ACSM2A: variants seen among roughly 807,000 people sequenced by gnomAD.
ACSM2A encodes the protein acyl-coenzyme A synthetase ACSM2A, mitochondrial.
Under a neutral mutation model 76.6 loss-of-function variants are expected in ACSM2A, and 72 were observed. The observed-to-expected ratio is 0.94, with a 90% CI of 0.78 to 1.14. ACSM2A has a LOEUF of 1.14. ACSM2A is among the 50% of genes most tolerant of loss of function. The pLI is 0.00. For synonymous variants in ACSM2A, 249 were observed against 255.9 expected, an observed-to-expected ratio of 0.97 and a Z score of 0.26; for missense variants, 684 against 708.5, an observed-to-expected ratio of 0.97 and a Z score of 0.39.
Position 20,471,566 on chromosome 16 carries a change from G to A in ACSM2A, c.771G>A (p.Met257Ile), listed in dbSNP as rs1386675562. 5 of 1,613,950 alleles carry A rather than the reference G, an allele frequency of 3.1e-6. No homozygotes were observed. Residue 257 changes from methionine (M) to isoleucine (I), a missense_variant, in exon 6 of 14, where the codon ATG (methionine) becomes ATA (isoleucine). Around this residue, in one of 3 missense-constraint regions of ACSM2A, gnomAD observed 519 missense variants for 549.5 expected, o/e 0.94. Coordinates refer to ENST00000573854, the MANE Select transcript of ACSM2A (RefSeq NM_001308172.2). ...CAGGCCTGCAAGCCTCTGATATAAT[G>A]TGGACCATATCAGACACAGGTTGGA... ...GWTGLQASDIMWTISDTGWIL... is the reference protein window; with the variant it reads ...GWTGLQASDIIWTISDTGWIL...
At chr16:20,478,553 T>C in intron 9 of ACSM2A, 23 bp from the exon 10 acceptor site, 1 of 1,610,780 alleles carries the variant, frequency 6.2e-7, no homozygotes. Context: ...TGCATCATTC[T>C]TCCAATCTGC....
At chr16:20,453,011 C>T (rs565875106) in intron 1 of ACSM2A, among the ~76,000 whole-genome samples, 11 of 151,998 alleles carry the variant, frequency 7.2e-5, no homozygotes, top group Non-Finnish European at 1.3e-4. Flanking sequence ...ATGATGAACT[C>T]GGGGATTCTA....
chr16:20,469,628 A>C lies in ACSM2A; in HGVS notation c.505A>C (p.Thr169Pro), dbSNP rs754225307. ...AGDEVIQEVD[T>P]VASECPSLRI... ...GGATGAAGTCATCCAAGAAGTGGAC[A>C]CAGTGGCATCTGAATGTCCTTCTCT... Residue 169 changes from threonine to proline, a missense_variant, in exon 4 of 14, where the codon ACA becomes CCA. Thr to Pro is a conservative substitution (Grantham distance 38). Transcript: ENST00000573854. The C allele has an allele frequency of 1.2e-6, 2 of 1,613,968 alleles. No individual in the cohort carries two copies. Among genetic ancestry groups the C allele is most frequent in the Non-Finnish European group, 1.7e-6 (2 of 1,179,838 alleles).
chr16:20,474,281 C>T (rs778716842), intron 6 of ACSM2A: 7 of 220,712 alleles, frequency 3.2e-5, no homozygotes, highest in African/African-American at 7.1e-5. Flanking sequence ...CAGTAGTAAG[C>T]GGTGGGGCAT....
intron 3 of ACSM2A, among the ~76,000 whole-genome samples, chr16:20,467,539 A>C (rs962159608): frequency 4.6e-5 from 7 of 152,172 alleles, no homozygotes; most frequent in African/African-American, 1.7e-4. Flanking sequence ...AGATGGAGAT[A>C]AGTGGATTTA....
chr16:20,463,607 C>T (rs937241720), intron 2 of ACSM2A, among the ~76,000 whole-genome samples: 1 of 152,226 alleles, frequency 6.6e-6, no homozygotes, highest in African/African-American at 2.4e-5. Context: ...CTTCCTGAGG[C>T]CCTCACCAGA....
chr16:20,464,429 G>A (rs1422785081), intron 2 of ACSM2A, among the ~76,000 whole-genome samples: 4 of 152,168 alleles, frequency 2.6e-5, no homozygotes, highest in Non-Finnish European at 4.4e-5. Context: ...TGTGGTGCTG[G>A]CATCTGCTTC....
intron 3 of ACSM2A, 36 bp downstream of exon 3, chr16:20,465,763 C>G (rs764108992): frequency 3.4e-5 from 55 of 1,599,958 alleles, no homozygotes; most frequent in Non-Finnish European, 4.5e-5. Flanking sequence ...GAACTGTCTT[C>G]CTTGTGAAGA....
At chr16:20,479,460 AAAACCCT>A in intron 10 of ACSM2A, among the ~76,000 whole-genome samples, 2 of 152,200 alleles carry the variant, frequency 1.3e-5, no homozygotes, top group Admixed American at 6.5e-5. Flanking sequence ...GCTCGAGTTC[AAAACCCT>A]GCTCTACTAT....
At chr16:20,483,617 A>G (rs186514922) in intron 13 of ACSM2A, among the ~76,000 whole-genome samples, 113 of 144,954 alleles carry the variant, frequency 7.8e-4, no homozygotes, top group African/African-American at 2.8e-3. Context: ...TTCTATGATC[A>G]AGAAAGCCCA....
chr16:20,481,188 G>A, intron 12 of ACSM2A: 1 of 473,906 alleles, frequency 2.1e-6, no homozygotes, highest in Non-Finnish European at 3.8e-6. Flanking sequence ...AAACTAAACA[G>A]AACTACCATA....
At chr16:20,480,392 G>A (rs1490120701) in intron 10 of ACSM2A, among the ~76,000 whole-genome samples, 181 bp from the exon 11 acceptor site, 1 of 152,224 alleles carries the variant, frequency 6.6e-6, no homozygotes, top group African/African-American at 2.4e-5. Flanking sequence ...TCAATAAATG[G>A]GAAAGATCCA....
chr16:20,457,066 A>G (rs1267999021), intron 1 of ACSM2A, among the ~76,000 whole-genome samples: 1 of 152,044 alleles, frequency 6.6e-6, no homozygotes, highest in Admixed American at 6.6e-5. Context: ...AGATGGATAA[A>G]TTCTTGGGAA....
chr16:20,460,305 A>G lies in ACSM2A; in HGVS notation c.177+14A>G. The G allele has an allele frequency of 6.2e-7, 1 of 1,613,566 alleles. No homozygotes were observed. The highest frequency in any genetic ancestry group is 1.7e-5 in the Admixed American group (1 of 59,888). The stretch of plus-strand genomic sequence containing the variant: ...GACATGGAGAAGGTAATGGGGTGGA[A>G]AAGAGGCACAGAGTGAGACAATTTT... On this transcript the variant is annotated intron_variant, in intron 2 of 13. Transcript: ENST00000573854.
At position 20,480,557 on chromosome 16, in the gene ACSM2A, T is replaced by C; in HGVS notation, c.1282-16T>C. 1 of 1,612,684 alleles carries C rather than the reference T, an allele frequency of 6.2e-7. No homozygotes were observed. Among genetic ancestry groups the C allele is most frequent in the Non-Finnish European group, 8.5e-7 (1 of 1,179,266 alleles). Reference sequence around the variant, plus strand: ...GCTTTGCAGGCACAATGACTCTGTCTTTCTGTGGTCACCAGGACAATCCCG... The same window carrying C: ...GCTTTGCAGGCACAATGACTCTGTCCTTCTGTGGTCACCAGGACAATCCCG... On this transcript the variant is annotated splice_polypyrimidine_tract_variant and intron_variant, in intron 10 of 13. Transcript: ENST00000573854.
At chr16:20,478,236 A>G (rs1172412367) in intron 9 of ACSM2A, among the ~76,000 whole-genome samples, 3 of 152,174 alleles carry the variant, frequency 2.0e-5, no homozygotes, top group Non-Finnish European at 2.9e-5. Flanking sequence ...AAGGTAGCAG[A>G]GTAAATTTGA....
chr16:20,473,741 G>T (rs968469380), intron 6 of ACSM2A, among the ~76,000 whole-genome samples: 1 of 151,854 alleles, frequency 6.6e-6, no homozygotes, highest in Non-Finnish European at 1.5e-5. Context: ...CTGAGAGACT[G>T]TTTCAGGCCA....
At chr16:20,471,726 T>A (rs2013423171) in intron 6 of ACSM2A, 37 bp downstream of exon 6, 2 of 1,588,344 alleles carry the variant, frequency 1.3e-6, no homozygotes, top group Non-Finnish European at 1.7e-6. Context: ...TTATTCAGAG[T>A]GAGCCCGAGG....
intron 1 of ACSM2A, among the ~76,000 whole-genome samples, chr16:20,454,601 G>A (rs2012008626): frequency 1.3e-5 from 2 of 151,878 alleles, no homozygotes. Flanking sequence ...ACATCCCTAG[G>A]AAAAGGGAAA....
Sources: gnomAD v4.1 joint callset for allele counts (sites outside exome capture counted in the v4.1 genomes callset) on GRCh38, gnomAD v4.1.1 for gene constraint, gnomAD v4.1.1 regional missense constraint, MANE v1.5 for transcripts, NCBI Gene and HGNC (gene_info 2026-07-23, HGNC 2026-07-21) for gene names.